The following RPGRIP1 variants were observed in gnomAD, a reference collection of about 807,000 sequenced individuals.
The protein encoded by RPGRIP1 is RPGR interacting protein 1.
RPGRIP1 carries 128 observed loss-of-function variants against 157.9 expected under a neutral mutation model. That is an observed-to-expected ratio of 0.81 (90% CI 0.70 to 0.94). The LOEUF (loss-of-function observed/expected upper bound fraction) is 0.94, where lower values mean the gene tolerates loss of function less well. Ranked by LOEUF, RPGRIP1 falls within the 40% of genes least tolerant of loss-of-function variation. RPGRIP1 has a pLI of 0.00. For synonymous variants in RPGRIP1, 554 were observed against 571.6 expected, an observed-to-expected ratio of 0.97 and a Z score of 0.44; for missense variants, 1,486 against 1,545.8, an observed-to-expected ratio of 0.96 and a Z score of 0.65.
chr14:21,309,571 A>G (rs1285802298), intron 7 of RPGRIP1, among the ~76,000 whole-genome samples: 1 of 152,152 alleles, frequency 6.6e-6, no homozygotes, highest in Non-Finnish European at 1.5e-5. Flanking sequence ...CTGAAATACT[A>G]AAAGATTAGC....
chr14:21,288,057 AAAAGGT>A lies in RPGRIP1; in HGVS notation c.84_85+4del. On this transcript the variant is annotated splice_donor_variant and coding_sequence_variant, in exon 2 of 25. Transcript: ENST00000400017. LOFTEE classifies it high-confidence loss of function. ...CTATACCTCTGGTGCTACCAGCCTC[AAAAGGT>A]AACTTCTACGCCTGAGGATGGACAC... 1 of 1,608,106 alleles carries A rather than the reference AAAAGGT, an allele frequency of 6.2e-7. No homozygotes were observed. Among genetic ancestry groups the A allele is most frequent in the Non-Finnish European group, 8.5e-7 (1 of 1,174,592 alleles).
Position 21,349,699 on chromosome 14 carries a change from C to T in RPGRIP1, c.3748+1397C>T, listed in dbSNP as rs534910857. The stretch of plus-strand genomic sequence containing the variant: ...GATTACAGGCGTGAGCCACCGCGCC[C>T]AGCCATATAATTTCTAAACTGGTCT... On this transcript the variant is annotated intron_variant, in intron 24 of 24. Coordinates refer to ENST00000400017, the MANE Select transcript of RPGRIP1 (RefSeq NM_020366.4). 1.7e-4 allele frequency among the ~76,000 whole-genome samples: 26 copies of T among 152,190 alleles called. No homozygotes were observed. In the South Asian group the frequency reaches 3.5e-3, roughly 21 times the overall value.
chr14:21,325,095 C>G, intron 15 of RPGRIP1, 25 bp downstream of exon 15: 1 of 1,578,734 alleles, frequency 6.3e-7, no homozygotes, highest in Non-Finnish European at 8.6e-7. Context: ...CTTCCTGCGG[C>G]TCCTAAGCAC....
At chr14:21,338,468 A>C (rs1884639328) in intron 21 of RPGRIP1, among the ~76,000 whole-genome samples, 1 of 152,166 alleles carries the variant, frequency 6.6e-6, no homozygotes, top group Non-Finnish European at 1.5e-5. Context: ...TCTGGCACTA[A>C]TCCTTGCAGG....
chr14:21,323,646 A>G (rs1342128330), intron 14 of RPGRIP1, among the ~76,000 whole-genome samples: 1 of 152,062 alleles, frequency 6.6e-6, no homozygotes, highest in Non-Finnish European at 1.5e-5. Flanking sequence ...TCCTTTGCCT[A>G]CTTCTTAACA....
rs1882966187 is a variant in RPGRIP1 at position 21,325,369 on chromosome 14, G to A, written c.2353G>A (p.Ala785Thr). Reference sequence around the variant, plus strand: ...AACCGATGTGCTTGGAGGCCGGAAGGCCCAGGAAGAGGAGGTGAGAAAAAA... The same window carrying A: ...AACCGATGTGCTTGGAGGCCGGAAGACCCAGGAAGAGGAGGTGAGAAAAAA... The part of the protein sequence containing the change: ...LSTDVLGGRK[A>T]QEEEFRSESW... The change falls in exon 16 of 25, where the codon GCC becomes ACC. Residue 785 changes from alanine (A) to threonine (T), a missense_variant. Physicochemically the swap from Ala to Thr is moderately conservative, Grantham distance 58 (BLOSUM62 0). Coordinates refer to ENST00000400017, the MANE Select transcript of RPGRIP1 (RefSeq NM_020366.4). 6.3e-7 allele frequency: 1 copy of A among 1,580,236 alleles called. No individual in the cohort carries two copies. The highest frequency in any genetic ancestry group is 8.6e-7 in the Non-Finnish European group (1 of 1,163,034).
chr14:21,306,192 C>T (rs963173231), intron 6 of RPGRIP1, among the ~76,000 whole-genome samples: 5 of 117,502 alleles, frequency 4.3e-5, no homozygotes, highest in African/African-American at 1.3e-4. Flanking sequence ...AGTGTAGTGG[C>T]ACCTTGTCAG....
chr14:21,320,693 A>G (rs2139205267), intron 12 of RPGRIP1, among the ~76,000 whole-genome samples: 1 of 136,236 alleles, frequency 7.3e-6, no homozygotes, highest in African/African-American at 2.8e-5. Flanking sequence ...TTTGCCTCCC[A>G]GGTTTAAGCA....
chr14:21,280,935 T>C (rs1266157938), intron 1 of RPGRIP1, among the ~76,000 whole-genome samples: 2 of 152,182 alleles, frequency 1.3e-5, no homozygotes, highest in Admixed American at 1.3e-4. Flanking sequence ...TAATTGACAA[T>C]TTGAAATTGT....
In RPGRIP1 at chr14:21,303,058, C is replaced by A. The variant is rs190242098; in HGVS notation, c.588-273C>A. 1.9e-5 allele frequency: 6 copies of A among 319,734 alleles called. No homozygotes were observed. The East Asian group carries it at 4.6e-4, about 24-fold the overall frequency. The allele number at this position is 319,734 out of a possible 1,614,324, so 19.8% of individuals were successfully genotyped here. ...CTAATTTTTGTATTTTTAGTGGACA[C>A]AGGGTTTCACTATGTTGGCCAGGCT... On this transcript the variant is annotated intron_variant, in intron 5 of 24. Transcript: ENST00000400017.
intron 3 of RPGRIP1, among the ~76,000 whole-genome samples, chr14:21,296,636 C>A (rs1306747217): frequency 6.6e-6 from 1 of 151,802 alleles, no homozygotes; most frequent in African/African-American, 2.4e-5. Flanking sequence ...CAGGCATGAC[C>A]CATCGTGCCC....
At chr14:21,321,466 T>C in intron 13 of RPGRIP1, 64 bp downstream of exon 13, 1 of 1,559,484 alleles carries the variant, frequency 6.4e-7, no homozygotes, top group Non-Finnish European at 8.7e-7. Flanking sequence ...CTCACAGGAC[T>C]GGGAATGAAG....
intron 12 of RPGRIP1, among the ~76,000 whole-genome samples, 153 bp downstream of exon 12, chr14:21,320,330 C>T (rs1301991535): frequency 6.6e-6 from 1 of 151,478 alleles, no homozygotes; most frequent in African/African-American, 2.4e-5. Context: ...CTCGCTGTCG[C>T]CCAGGCTGGA....
intron 1 of RPGRIP1, among the ~76,000 whole-genome samples, chr14:21,285,980 A>G (rs900016912): frequency 6.6e-6 from 1 of 151,816 alleles, no homozygotes; most frequent in Admixed American, 6.6e-5. Context: ...ACAGGCTAAT[A>G]TATGTTGTTT....
intron 21 of RPGRIP1, among the ~76,000 whole-genome samples, chr14:21,336,484 A>C (rs893244310): frequency 1.3e-5 from 2 of 152,208 alleles, no homozygotes; most frequent in African/African-American, 2.4e-5. Context: ...GCAGTGAGCC[A>C]TGATCTTGCC....
chr14:21,329,155 A>G (rs577463989), intron 19 of RPGRIP1, among the ~76,000 whole-genome samples: 1 of 151,320 alleles, frequency 6.6e-6, no homozygotes, highest in African/African-American at 2.4e-5. Flanking sequence ...ACCAAAAAAA[A>G]AAAAAAAAAA....
rs374911554 is a variant in RPGRIP1 at position 21,311,973 on chromosome 14, A to G, written c.1077+3A>G. The G allele has an allele frequency of 6.2e-7, 1 of 1,610,826 alleles. No homozygotes were observed. The highest frequency in any genetic ancestry group is 1.3e-5 in the African/African-American group (1 of 74,894). ...TCTTGCAGATGACTCTGAAGGAGGT[A>G]AATAATAATAGTTGAAAGATACCAT... On this transcript the variant is annotated splice_donor_region_variant and intron_variant, in intron 9 of 24. Coordinates refer to ENST00000400017, the MANE Select transcript of RPGRIP1 (RefSeq NM_020366.4).
At chr14:21,339,931 T>G (rs555026940) in intron 21 of RPGRIP1, among the ~76,000 whole-genome samples, 4 of 152,314 alleles carry the variant, frequency 2.6e-5, no homozygotes, top group African/African-American at 9.6e-5. Flanking sequence ...CAGATAGCTC[T>G]GAGATTCTAA....
chr14:21,289,340 C>CA (rs373806646), intron 2 of RPGRIP1, among the ~76,000 whole-genome samples: 22 of 151,912 alleles, frequency 1.4e-4, no homozygotes, highest in African/African-American at 5.1e-4. Context: ...CCCCCTCCCC[C>CA]AAAAAACCAT....
Sources: allele counts gnomAD v4.1 joint callset (sites outside exome capture counted in the v4.1 genomes callset), GRCh38; gene constraint gnomAD v4.1.1; transcripts MANE v1.5; gene names NCBI Gene and HGNC (gene_info 2026-07-23, HGNC 2026-07-21).